Variants in MTUS2 observed in about 807,000 individuals in gnomAD.
MTUS2 encodes microtubule associated scaffold protein 2, also known as microtubule-associated tumor suppressor candidate 2.
In MTUS2, 40 loss-of-function variants were observed where a neutral mutation model predicts 114.1. The ratio of observed to expected loss-of-function variants is 0.35; its 90% CI spans 0.27 to 0.46. MTUS2 has a LOEUF of 0.46. Among genes scored for constraint, MTUS2 ranks in the 20% least tolerant of loss-of-function variants. MTUS2 has a pLI of 1.00. For synonymous variants in MTUS2, 688 were observed against 672.0 expected (o/e 1.02, Z -0.37); for missense variants, 1,679 against 1,705.4 (o/e 0.98, Z 0.27).
intron 2 of MTUS2, among the ~76,000 whole-genome samples, chr13:28,956,049 C>G (rs1293864387): frequency 6.7e-6 from 1 of 149,802 alleles, no homozygotes; most frequent in Admixed American, 6.7e-5. Context: ...AGTCTTCTGT[C>G]TCTTGCCCCC....
rs1883024719 is a variant in MTUS2 at position 29,503,218 on chromosome 13, G to GGCCTGC, written c.*14_*19dup. 10 of 1,612,530 alleles carry GGCCTGC rather than the reference G, an allele frequency of 6.2e-6. No individual in the cohort carries two copies. The East Asian group carries it at 2.2e-4, about 36-fold the overall frequency. ...CAACACCCAGATGACGCCACTACAC[G>GGCCTGC]GCCTGCGGGAGCTCCGGCTTCTCGT... On this transcript the variant is annotated 3_prime_UTR_variant, in exon 16 of 16. Transcript: ENST00000612955.
At chr13:28,969,225 A>G (rs1034575521) in intron 2 of MTUS2, among the ~76,000 whole-genome samples, 1 of 151,998 alleles carries the variant, frequency 6.6e-6, no homozygotes, top group African/African-American at 2.4e-5. Context: ...TATTTTTTGT[A>G]GAGACATGGT....
intron 5 of MTUS2, among the ~76,000 whole-genome samples, chr13:29,146,676 C>T (rs117332248): frequency 2.0e-5 from 3 of 152,254 alleles, no homozygotes; most frequent in Admixed American, 6.5e-5. Context: ...TACCTACTAC[C>T]TATGCAAATA....
chr13:29,026,595 A>G lies in MTUS2; in HGVS notation c.1897A>G (p.Ile633Val), dbSNP rs755872090. Reference sequence around the variant, plus strand: ...GGAGAGGACAGAAACTAAGCCCATCATTATGCCCAAGCCCAAGCATGTGAG... The same window carrying G: ...GGAGAGGACAGAAACTAAGCCCATCGTTATGCCCAAGCCCAAGCATGTGAG... ...TEERTETKPI[I>V]MPKPKHVRPK... Residue 633 changes from isoleucine to valine, a missense_variant, in exon 3 of 16, where the codon ATT becomes GTT. Coordinates refer to ENST00000612955, the MANE Select transcript of MTUS2 (RefSeq NM_001033602.4). 6.2e-7 allele frequency: 1 copy of G among 1,613,994 alleles called. No homozygotes were observed. The highest frequency in any genetic ancestry group is 1.1e-5 in the South Asian group (1 of 91,086).
intron 8 of MTUS2, 103 bp from the exon 9 acceptor site, chr13:29,439,880 G>T (rs1877701645): frequency 1.1e-6 from 1 of 928,338 alleles, no homozygotes; most frequent in East Asian, 2.7e-5. Flanking sequence ...TTAAGGACTA[G>T]ACTTATAAAT....
chr13:29,139,784 C>G (rs1281832553), intron 5 of MTUS2, among the ~76,000 whole-genome samples: 1 of 152,140 alleles, frequency 6.6e-6, no homozygotes, highest in Non-Finnish European at 1.5e-5. Context: ...CCTTTTGTGC[C>G]ATGATTCCTC....
At chr13:29,198,614 T>G (rs1203160865) in intron 5 of MTUS2, among the ~76,000 whole-genome samples, 1 of 152,166 alleles carries the variant, frequency 6.6e-6, no homozygotes, top group Non-Finnish European at 1.5e-5. Context: ...AGAAAGTCAA[T>G]GGTAGCTTGG....
In MTUS2 at chr13:29,025,633, T is replaced by A. The variant is rs1886497767; in HGVS notation, c.935T>A (p.Leu312Gln). Residue 312 changes from leucine to glutamine, a missense_variant, in exon 3 of 16, where the codon CTG becomes CAG. Leu to Gln is a moderately radical substitution (Grantham distance 113). This residue lies in a region of MTUS2 where 843 missense variants were observed against 770.8 expected (regional missense o/e 1.09). Coordinates refer to ENST00000612955, the MANE Select transcript of MTUS2 (RefSeq NM_001033602.4). ...GGAAAGGGAGAGGCCAAGCTGGATC[T>A]GAAATATGTTCCTCCCAGGAGAGTT... ...GQGKGEAKLD[L>Q]KYVPPRRVEQ... The A allele has an allele frequency of 1.1e-5, 17 of 1,613,880 alleles. No homozygotes were observed. Among genetic ancestry groups the A allele is most frequent in the Non-Finnish European group, 1.4e-5 (17 of 1,179,898 alleles).
chr13:29,197,206 A>G (rs1369678199), intron 5 of MTUS2, among the ~76,000 whole-genome samples: 1 of 152,024 alleles, frequency 6.6e-6, no homozygotes, highest in African/African-American at 2.4e-5. Flanking sequence ...TGTCCTAATG[A>G]TATCCCTCCC....
At chr13:29,077,906 A>G (rs1482686610) in intron 4 of MTUS2, among the ~76,000 whole-genome samples, 1 of 152,226 alleles carries the variant, frequency 6.6e-6, no homozygotes, top group Non-Finnish European at 1.5e-5. Context: ...AGTCATTAAA[A>G]GGAGAATCAA....
At chr13:29,487,008 G>A (rs1881661448) in intron 10 of MTUS2, among the ~76,000 whole-genome samples, 1 of 152,156 alleles carries the variant, frequency 6.6e-6, no homozygotes, top group South Asian at 2.1e-4. Context: ...GTAGGGGAGG[G>A]GGTCAGGAAA....
intron 6 of MTUS2, among the ~76,000 whole-genome samples, chr13:29,291,291 C>T (rs1014865402): frequency 1.3e-5 from 2 of 152,214 alleles, no homozygotes; most frequent in Non-Finnish European, 2.9e-5. Context: ...GGGGCAGCCC[C>T]AGCCACTGGA....
intron 5 of MTUS2, among the ~76,000 whole-genome samples, chr13:29,278,247 G>A (rs1898138657): frequency 6.6e-6 from 1 of 152,184 alleles, no homozygotes; most frequent in South Asian, 2.1e-4. Flanking sequence ...TCAGGAGAGA[G>A]ATTGAAAGTC....
intron 2 of MTUS2, among the ~76,000 whole-genome samples, chr13:28,868,248 G>A (rs1163146120): frequency 6.6e-6 from 1 of 152,138 alleles, no homozygotes. Flanking sequence ...CCTTATAATA[G>A]TGTTATTCTT....
chr13:29,348,353 G>A (rs372550737), intron 7 of MTUS2, among the ~76,000 whole-genome samples: 110,412 of 151,444 alleles, frequency 0.73, 44,324 homozygotes, highest in East Asian at 0.9. Context: ...ATATCACTCA[G>A]CAAAGTGCAA....
chr13:29,320,040 C>T (rs1900188607), intron 6 of MTUS2, among the ~76,000 whole-genome samples: 1 of 152,162 alleles, frequency 6.6e-6, no homozygotes, highest in East Asian at 1.9e-4. Flanking sequence ...TCACCAGAAC[C>T]TATCAATGTT....
At chr13:29,161,841 C>T (rs1893112059) in intron 5 of MTUS2, among the ~76,000 whole-genome samples, 1 of 152,212 alleles carries the variant, frequency 6.6e-6, no homozygotes, top group Admixed American at 6.5e-5. Flanking sequence ...TCCTGGTTCC[C>T]ACTCTCTGCC....
chr13:29,495,138 C>T (rs1310551104), intron 12 of MTUS2, among the ~76,000 whole-genome samples: 2 of 140,806 alleles, frequency 1.4e-5, no homozygotes, highest in Admixed American at 7.6e-5. Flanking sequence ...GAGCCGTGAT[C>T]GCGCCACTGC....
intron 5 of MTUS2, among the ~76,000 whole-genome samples, chr13:29,212,877 T>TA (rs1380476480): frequency 6.6e-6 from 1 of 152,138 alleles, no homozygotes; most frequent in Non-Finnish European, 1.5e-5. Flanking sequence ...CATGACTGAC[T>TA]ATTAACTCAA....
Sources: gnomAD v4.1 joint callset for allele counts (sites outside exome capture counted in the v4.1 genomes callset) on GRCh38, gnomAD v4.1.1 for gene constraint, gnomAD v4.1.1 regional missense constraint, MANE v1.5 for transcripts, NCBI Gene and HGNC (gene_info 2026-07-23, HGNC 2026-07-21) for gene names.